The following ANO3 variants were observed in gnomAD, a reference collection of about 807,000 sequenced individuals.
ANO3 encodes anoctamin 3, also known as anoctamin-3.
ANO3 carries 99 observed loss-of-function variants against 144.8 expected under a neutral mutation model. The ratio of observed to expected loss-of-function variants is 0.68; its 90% CI spans 0.58 to 0.81. ANO3 has a LOEUF of 0.81. Ranked by LOEUF, ANO3 falls within the 30% of genes least tolerant of loss-of-function variation. ANO3 has a pLI of 0.00. For synonymous variants in ANO3, 414 were observed against 392.6 expected, an observed-to-expected ratio of 1.05 and a Z score of -0.64; for missense variants, 905 against 1,202.2, an observed-to-expected ratio of 0.75 and a Z score of 3.66.
chr11:26,573,149 G>A (rs1452678364), intron 14 of ANO3, among the ~76,000 whole-genome samples: 1 of 152,288 alleles, frequency 6.6e-6, no homozygotes, highest in East Asian at 1.9e-4. Flanking sequence ...GTTTTCAACT[G>A]CTGAGCGAGA....
intron 1 of ANO3, among the ~76,000 whole-genome samples, chr11:26,389,105 T>G (rs1856810786): frequency 6.6e-6 from 1 of 152,186 alleles, no homozygotes; most frequent in Non-Finnish European, 1.5e-5. Flanking sequence ...AGGATAATTG[T>G]GTTTGATGTG....
chr11:26,384,589 T>C (rs140391988), intron 1 of ANO3, among the ~76,000 whole-genome samples: 179 of 152,306 alleles, frequency 1.2e-3, no homozygotes, highest in African/African-American at 4.2e-3. Context: ...TTTTTCCTTA[T>C]TTCTAAACCT....
intron 1 of ANO3, among the ~76,000 whole-genome samples, chr11:26,439,257 A>T (rs577029192): frequency 3.9e-5 from 6 of 152,358 alleles, no homozygotes; most frequent in African/African-American, 1.4e-4. Context: ...ATGACCTTGA[A>T]TTAGATAATG....
At chr11:26,544,273 T>TATATATACACACACACACAC in intron 11 of ANO3, among the ~76,000 whole-genome samples, 3 of 58,568 alleles carry the variant, frequency 5.1e-5, no homozygotes, top group Non-Finnish European at 1.1e-4. Flanking sequence ...TATATATATA[T>TATATATACACACACACACAC]ACACACATAC....
chr11:26,245,018 T>TGTGCATGC lies in ANO3; in HGVS notation c.154+55689_154+55696dup, dbSNP rs1554928316. On this transcript the variant is annotated intron_variant, in intron 1 of 27. Transcript: ENST00000672621. ...GTGTGTGTGTGTGTGTGTGTGTGTGTGTGCATGCATGCATTTGTCTTTCAT... is the reference window on the plus strand; with the variant it reads ...GTGTGTGTGTGTGTGTGTGTGTGTGTGTGCATGCGTGCATGCATGCATTTGTCTTTCAT... Among the ~76,000 whole-genome samples, 34 of 145,324 alleles carry TGTGCATGC rather than the reference T, an allele frequency of 2.3e-4. 1 individual carries two copies. The highest frequency in any genetic ancestry group is 8.1e-4 in the African/African-American group (32 of 39,432).
At chr11:26,201,221 T>C (rs1279432301) in intron 1 of ANO3, among the ~76,000 whole-genome samples, 1 of 152,116 alleles carries the variant, frequency 6.6e-6, no homozygotes, top group Non-Finnish European at 1.5e-5. Flanking sequence ...CAACATTGAC[T>C]AGAGCACTCA....
chr11:26,377,708 A>G (rs1478879797), intron 1 of ANO3, among the ~76,000 whole-genome samples: 5 of 152,110 alleles, frequency 3.3e-5, no homozygotes, highest in Admixed American at 2.0e-4. Context: ...AATGAAAACA[A>G]ACACATATCT....
rs193022422 is a variant in ANO3 at position 26,613,564 on chromosome 11, C to T, written c.1837-10898C>T. Reference sequence around the variant, plus strand: ...GGTATCCTATTTTCTTGCTGTTTCACGTTTCTTGTGTCCTTATTTTGATAT... The same window carrying T: ...GGTATCCTATTTTCTTGCTGTTTCATGTTTCTTGTGTCCTTATTTTGATAT... On this transcript the variant is annotated intron_variant, in intron 17 of 26. Transcript: ENST00000256737. 8.5e-5 allele frequency among the ~76,000 whole-genome samples: 13 copies of T among 152,232 alleles called. No individual in the cohort carries two copies. In the South Asian group the frequency reaches 1.9e-3, roughly 22 times the overall value.
At chr11:26,547,392 C>G in intron 11 of ANO3, 24 bp from the exon 12 acceptor site, 1 of 1,608,046 alleles carries the variant, frequency 6.2e-7, no homozygotes, top group Non-Finnish European at 8.5e-7. Context: ...TTAACTCAGT[C>G]TAAGGATTTG....
intron 1 of ANO3, among the ~76,000 whole-genome samples, chr11:26,391,634 A>C (rs1179478042): frequency 2.0e-5 from 3 of 152,022 alleles, no homozygotes; most frequent in African/African-American, 7.2e-5. Flanking sequence ...TTTTTTAAGA[A>C]ACCCCTCTCT....
chr11:26,359,853 T>C (rs916136760), intron 1 of ANO3, among the ~76,000 whole-genome samples: 32 of 151,112 alleles, frequency 2.1e-4, no homozygotes, highest in Non-Finnish European at 1.8e-4. Flanking sequence ...TACATCTTGG[T>C]CAGAGTGGAA....
chr11:26,310,734 A>G (rs1480764657), intron 1 of ANO3, among the ~76,000 whole-genome samples: 1 of 152,184 alleles, frequency 6.6e-6, no homozygotes, highest in Non-Finnish European at 1.5e-5. Flanking sequence ...TTCATGACAT[A>G]AGAATAATTT....
At chr11:26,648,832 A>G (rs773682885) in intron 24 of ANO3, among the ~76,000 whole-genome samples, 2 of 152,330 alleles carry the variant, frequency 1.3e-5, no homozygotes, top group Middle Eastern at 3.4e-3. Flanking sequence ...TTGGGTGTGC[A>G]GCTGATCCGG....
At chr11:26,311,996 G>A (rs146139324) in intron 1 of ANO3, among the ~76,000 whole-genome samples, 3,051 of 152,048 alleles carry the variant, frequency 0.02, 93 homozygotes, top group African/African-American at 0.066. Flanking sequence ...CTATCCCTCC[G>A]CTCTCCCCCA....
intron 18 of ANO3, among the ~76,000 whole-genome samples, chr11:26,631,946 G>A (rs1044228734): frequency 4.6e-5 from 7 of 152,028 alleles, no homozygotes; most frequent in Non-Finnish European, 7.4e-5. Context: ...TTGGGAGGCC[G>A]AGGCAGCCAG....
intron 4 of ANO3, among the ~76,000 whole-genome samples, chr11:26,499,874 T>A (rs7944034): frequency 0.6 from 90,805 of 151,664 alleles, 27,868 homozygotes; most frequent in East Asian, 0.68. Context: ...AATATATTCA[T>A]AGGATTGTGC....
At chr11:26,627,908 A>C (rs1852645932) in intron 18 of ANO3, among the ~76,000 whole-genome samples, 2 of 151,106 alleles carry the variant, frequency 1.3e-5, no homozygotes. Flanking sequence ...TGTGCTTCAA[A>C]ATACAAATGA....
chr11:26,577,478 G>A (rs545173734), intron 14 of ANO3, among the ~76,000 whole-genome samples: 5 of 151,822 alleles, frequency 3.3e-5, no homozygotes, highest in Admixed American at 3.3e-4. Flanking sequence ...CAGGAGAATG[G>A]CTTGAACCCG....
intron 24 of ANO3, among the ~76,000 whole-genome samples, chr11:26,650,210 G>A (rs1298779849): frequency 6.8e-6 from 1 of 147,326 alleles, no homozygotes; most frequent in Admixed American, 6.8e-5. Context: ...CATTCAGATT[G>A]GAAATTTTCG....
Sources: allele counts gnomAD v4.1 joint callset (sites outside exome capture counted in the v4.1 genomes callset), GRCh38; gene constraint gnomAD v4.1.1; transcripts MANE v1.5; gene names NCBI Gene and HGNC (gene_info 2026-07-23, HGNC 2026-07-21).